The following ALMS1 variants were observed in gnomAD, a reference collection of about 807,000 sequenced individuals.
ALMS1 encodes the protein ALMS1 centrosome and basal body associated protein.
ALMS1 carries 271 observed loss-of-function variants against 352.2 expected under a neutral mutation model. That is an observed-to-expected ratio of 0.77 (90% CI 0.70 to 0.85). The LOEUF is 0.85. Ranked by LOEUF, ALMS1 falls within the 40% of genes least tolerant of loss-of-function variation. The pLI, the probability that ALMS1 is intolerant of heterozygous loss-of-function variation, is 0.00. For synonymous variants in ALMS1, 1,865 were observed against 1,761.2 expected (o/e 1.06, Z -1.48); for missense variants, 5,445 against 4,870.7 (o/e 1.12, Z -3.51).
chr2:73,452,949 C>G lies in ALMS1; in HGVS notation c.6422C>G (p.Ser2141Cys). ...KTVLPTALPS[S>C]FSHREKPDIF... ...GTATTACCAACAGCTCTTCCTAGTT[C>G]CTTTTCACATCGAGAGAAACCAGAT... The change falls in exon 8 of 23, where the codon TCC becomes TGC. Residue 2141 changes from serine to cysteine, a missense_variant. By Grantham distance (112) the Ser-to-Cys change is moderately radical. Transcript: ENST00000613296. 2.5e-6 allele frequency: 4 copies of G among 1,613,132 alleles called. No individual in the cohort carries two copies. Among genetic ancestry groups the G allele is most frequent in the Non-Finnish European group, 3.4e-6 (4 of 1,179,636 alleles).
At position 73,602,166 on chromosome 2, in the gene ALMS1, T is replaced by C. The variant is rs1675707837; in HGVS notation, c.12115-19T>C. On this transcript the variant is annotated intron_variant, in intron 19 of 22. Transcript: ENST00000613296. The stretch of plus-strand genomic sequence containing the variant: ...CATTAATCTGAGGCTGGGCATTTTC[T>C]CTTTTTTTTTTCTTTTAGGAATCGC... 6.2e-7 allele frequency: 1 copy of C among 1,608,008 alleles called. No individual in the cohort carries two copies. Among genetic ancestry groups the C allele is most frequent in the Admixed American group, 1.7e-5 (1 of 59,314 alleles).
chr2:73,460,648 C>A (rs1672171811), intron 9 of ALMS1, among the ~76,000 whole-genome samples: 1 of 152,230 alleles, frequency 6.6e-6, no homozygotes, highest in East Asian at 1.9e-4. Context: ...GGCATTGCCT[C>A]ACTCGGGAAG....
intron 13 of ALMS1, 26 bp downstream of exon 13, chr2:73,550,463 T>C (rs1674406420): frequency 6.2e-7 from 1 of 1,613,376 alleles, no homozygotes; most frequent in Non-Finnish European, 8.5e-7. Context: ...TTGTATACTT[T>C]GTAGCTTTTT....
At chr2:73,446,086 ATTC>A (rs1319641818) in intron 7 of ALMS1, among the ~76,000 whole-genome samples, 1 of 152,156 alleles carries the variant, frequency 6.6e-6, no homozygotes, top group Non-Finnish European at 1.5e-5. Context: ...ACTGACAAGA[ATTC>A]TTCTTTAACA....
At chr2:73,407,228 C>T (rs1278128094) in intron 1 of ALMS1, among the ~76,000 whole-genome samples, 2 of 152,046 alleles carry the variant, frequency 1.3e-5, no homozygotes, top group African/African-American at 2.4e-5. Flanking sequence ...GCTACCAGTC[C>T]ACTCTCATGA....
chr2:73,549,129 A>G (rs1407233050), intron 12 of ALMS1, among the ~76,000 whole-genome samples: 9 of 152,336 alleles, frequency 5.9e-5, no homozygotes, highest in Admixed American at 2.0e-4. Flanking sequence ...AGGATCTTAG[A>G]AAAATCATCT....
At chr2:73,506,763 C>T (rs1453081149) in intron 10 of ALMS1, among the ~76,000 whole-genome samples, 3 of 152,132 alleles carry the variant, frequency 2.0e-5, no homozygotes, top group Non-Finnish European at 4.4e-5. Flanking sequence ...TATTTGAATA[C>T]CCTTTATTTC....
At chr2:73,392,743 C>A (rs1670676216) in intron 1 of ALMS1, among the ~76,000 whole-genome samples, 1 of 152,070 alleles carries the variant, frequency 6.6e-6, no homozygotes, top group Non-Finnish European at 1.5e-5. Context: ...TATATCCATT[C>A]ATCAGTTGAT....
chr2:73,410,465 AT>A (rs1214753522), intron 2 of ALMS1, among the ~76,000 whole-genome samples: 1 of 152,178 alleles, frequency 6.6e-6, no homozygotes, highest in Non-Finnish European at 1.5e-5. Context: ...CGTATCCAAA[AT>A]TGTGTTTAAC....
chr2:73,456,288 G>A (rs201177032), intron 9 of ALMS1, among the ~76,000 whole-genome samples: 2 of 152,104 alleles, frequency 1.3e-5, no homozygotes, highest in East Asian at 1.9e-4. Context: ...ACAGTGTTAG[G>A]GTTTTGAGCT....
At chr2:73,390,857 G>A (rs545700241) in intron 1 of ALMS1, among the ~76,000 whole-genome samples, 6 of 151,538 alleles carry the variant, frequency 4.0e-5, no homozygotes, top group Non-Finnish European at 7.4e-5. Context: ...TGCAACCTCC[G>A]CCTCCCGGGT....
intron 4 of ALMS1, 91 bp downstream of exon 4, chr2:73,423,065 G>C: frequency 8.6e-7 from 1 of 1,162,494 alleles, no homozygotes; most frequent in Non-Finnish European, 1.3e-6. Flanking sequence ...GGGACTTTGA[G>C]GTGGGGCTTA....
chr2:73,489,875 A>G lies in ALMS1; in HGVS notation c.7916A>G (p.His2639Arg). 1.2e-6 allele frequency: 2 copies of G among 1,614,180 alleles called. No individual in the cohort carries two copies. Among genetic ancestry groups the G allele is most frequent in the Non-Finnish European group, 8.5e-7 (1 of 1,180,024 alleles). Residue 2639 changes from histidine (H) to arginine (R), a missense_variant, in exon 10 of 23, where the codon CAT becomes CGT. Coordinates refer to ENST00000613296, the MANE Select transcript of ALMS1 (RefSeq NM_001378454.1). The part of the protein sequence containing the change: ...LSASLDQNNS[H>R]FKVWNSLQLK... The stretch of plus-strand genomic sequence containing the variant: ...GCATCCTTAGACCAGAACAACTCCC[A>G]TTTCAAAGTTTGGAATTCCTTGCAG...
In ALMS1 at chr2:73,453,709, G is replaced by A. The variant is rs1572938646; in HGVS notation, c.7182G>A (p.Gly2394=). The change falls in exon 8 of 23, where the codon GGG becomes GGA. Residue 2394 remains glycine (G), a synonymous_variant. Transcript: ENST00000613296. ...AKSVMRSEPE[G]CSGTIGNKII... Reference sequence around the variant, plus strand: ...CTGTAATGAGGTCTGAACCTGAAGGGTGTAGTGGAACCATTGGGAATAAAA... The same window carrying A: ...CTGTAATGAGGTCTGAACCTGAAGGATGTAGTGGAACCATTGGGAATAAAA... 6.2e-7 allele frequency: 1 copy of A among 1,614,160 alleles called. No individual in the cohort carries two copies. Among genetic ancestry groups the A allele is most frequent in the South Asian group, 1.1e-5 (1 of 91,082 alleles).
intron 13 of ALMS1, among the ~76,000 whole-genome samples, chr2:73,552,957 G>A (rs957503146): frequency 6.6e-6 from 1 of 151,978 alleles, no homozygotes; most frequent in African/African-American, 2.4e-5. Context: ...TTCAAAGCAG[G>A]TATTCTGTAA....
chr2:73,553,429 G>C (rs1449250115), intron 13 of ALMS1, among the ~76,000 whole-genome samples: 1 of 152,132 alleles, frequency 6.6e-6, no homozygotes, highest in Non-Finnish European at 1.5e-5. Flanking sequence ...AGCCTGCAAG[G>C]AAAAAGTCGA....
At position 73,484,947 on chromosome 2, in the gene ALMS1, T is replaced by C. The variant is rs549156885; in HGVS notation, c.7675-4687T>C. ...CCATCAGCTCCTTTAAGCACTTCTC[T>C]GTATTGGTTATTCTAGTTACACATT... On this transcript the variant is annotated intron_variant, in intron 9 of 22. Coordinates refer to ENST00000613296, the MANE Select transcript of ALMS1 (RefSeq NM_001378454.1). 2.0e-4 allele frequency among the ~76,000 whole-genome samples: 31 copies of C among 152,338 alleles called. No homozygotes were observed. The South Asian group carries it at 6.4e-3, about 32-fold the overall frequency.
intron 9 of ALMS1, among the ~76,000 whole-genome samples, chr2:73,460,897 G>A (rs576002388): frequency 9.8e-5 from 15 of 152,334 alleles, no homozygotes; most frequent in Admixed American, 5.9e-4. Context: ...GGGGAGGGGC[G>A]CCTGCCATTG....
Position 73,432,283 on chromosome 2 carries a change from T to A in ALMS1, c.1424T>A (p.Leu475Ter). ...PDTVPKAPKH[L>*]KAGDTSKGGI... is the part of the protein sequence containing the mutation. ...ACTGTGCCAAAGGCTCCTAAACATT[T>A]AAAAGCAGGTACGTAGAAAAAGGAG... Residue 475 changes from leucine to a stop codon, truncating the protein, a stop_gained, in exon 7 of 23, where the codon TTA becomes TAA. Coordinates refer to ENST00000613296, the MANE Select transcript of ALMS1 (RefSeq NM_001378454.1). LOFTEE classifies it high-confidence loss of function. The A allele has an allele frequency of 6.2e-7, 1 of 1,608,398 alleles. No individual in the cohort carries two copies.
Sources: gnomAD v4.1 joint callset for allele counts (sites outside exome capture counted in the v4.1 genomes callset) on GRCh38, gnomAD v4.1.1 for gene constraint, MANE v1.5 for transcripts, NCBI Gene and HGNC (gene_info 2026-07-23, HGNC 2026-07-21) for gene names.